The following METTL15 variants were observed in gnomAD, a reference collection of about 807,000 sequenced individuals.
METTL15 encodes 12S rRNA N(4)-cytidine methyltransferase METTL15.
A neutral mutation model predicts 38.3 loss-of-function variants in METTL15; 34 were observed. That is an observed-to-expected ratio of 0.89 (90% confidence interval 0.68 to 1.18). The LOEUF (loss-of-function observed/expected upper bound fraction) is 1.18. METTL15 is among the 50% of genes most tolerant of loss of function. The pLI, the probability that METTL15 is intolerant of heterozygous loss-of-function variation, is 0.00. For synonymous variants in METTL15, 162 were observed against 170.9 expected (o/e 0.95, Z 0.41); for missense variants, 438 against 498.4 (o/e 0.88, Z 1.15).
chr11:28,497,003 T>C (rs1288551680), intron 6 of METTL15, among the ~76,000 whole-genome samples: 1 of 152,170 alleles, frequency 6.6e-6, no homozygotes. Context: ...AGCTGGACAT[T>C]GAGGCTAGTA....
chr11:28,382,555 T>C (rs1274962986), intron 5 of METTL15, among the ~76,000 whole-genome samples: 2 of 152,068 alleles, frequency 1.3e-5, no homozygotes, highest in Admixed American at 6.6e-5. Flanking sequence ...GTTCACCTCT[T>C]GGGCTCAGTG....
chr11:28,220,717 G>A (rs957352852), intron 4 of METTL15, among the ~76,000 whole-genome samples: 1 of 152,138 alleles, frequency 6.6e-6, no homozygotes, highest in Admixed American at 6.5e-5. Context: ...TCGTTTCCAT[G>A]TTTAGTGCTT....
At chr11:28,389,267 C>T (rs966801688) in intron 5 of METTL15, among the ~76,000 whole-genome samples, 1 of 150,756 alleles carries the variant, frequency 6.6e-6, no homozygotes, top group Admixed American at 6.6e-5. Context: ...TTTTACGGTA[C>T]ATGTGCACAA....
chr11:28,456,630 C>T (rs1355216672), intron 6 of METTL15, among the ~76,000 whole-genome samples: 3 of 151,866 alleles, frequency 2.0e-5, no homozygotes, highest in Admixed American at 6.6e-5. Flanking sequence ...TTAATAGAGA[C>T]GGGGCTTCAC....
chr11:28,174,950 A>G (rs1287971129), intron 3 of METTL15, among the ~76,000 whole-genome samples: 2 of 149,724 alleles, frequency 1.3e-5, no homozygotes, highest in African/African-American at 4.9e-5. Flanking sequence ...TTATTTTATT[A>G]TTATTTTTTA....
intron 6 of METTL15, among the ~76,000 whole-genome samples, chr11:28,496,014 A>G (rs1396569259): frequency 6.6e-6 from 1 of 152,192 alleles, no homozygotes; most frequent in African/African-American, 2.4e-5. Flanking sequence ...AGTGTTACCT[A>G]GTGATGTGGC....
chr11:28,238,062 C>T (rs1590203790), intron 4 of METTL15, among the ~76,000 whole-genome samples: 1 of 152,186 alleles, frequency 6.6e-6, no homozygotes, highest in Non-Finnish European at 1.5e-5. Context: ...GGGTCAGGGA[C>T]CCACTTGAGG....
chr11:28,426,583 T>TG lies in METTL15; in HGVS notation c.*424+2220dup, dbSNP rs1554923965. Among the ~76,000 whole-genome samples the TG allele has an allele frequency of 6.0e-5, 6 of 100,788 alleles. No homozygotes were observed. In the South Asian group the frequency reaches 2.3e-3, roughly 38 times the overall value. The allele number at this position is 100,788 out of a possible 152,430, so 66.1% of individuals were successfully genotyped here. ...TTTTCTCTGTAACCTTGCCAGCATC[T>TG]GTTTTTTTTTTTTTTTTTTTTTTGA... On this transcript the variant is annotated intron_variant and NMD_transcript_variant, in intron 6 of 7. Coordinates refer to the METTL15 transcript ENST00000532947.
chr11:28,423,521 A>G (rs1850839170), intron 5 of METTL15, among the ~76,000 whole-genome samples: 1 of 152,136 alleles, frequency 6.6e-6, no homozygotes, highest in African/African-American at 2.4e-5. Context: ...TTATTCAACC[A>G]TAAAAAATAA....
intron 6 of METTL15, among the ~76,000 whole-genome samples, chr11:28,306,485 A>G (rs1857086569): frequency 6.6e-6 from 1 of 151,964 alleles, no homozygotes; most frequent in Non-Finnish European, 1.5e-5. Context: ...AGTCTTACAT[A>G]TTATTTGTAC....
intron 4 of METTL15, among the ~76,000 whole-genome samples, chr11:28,256,414 T>G (rs1854972472): frequency 6.6e-6 from 1 of 152,198 alleles, no homozygotes; most frequent in South Asian, 2.1e-4. Flanking sequence ...TTTGGATTTA[T>G]TCCTGGTTCA....
intron 3 of METTL15, among the ~76,000 whole-genome samples, chr11:28,159,139 A>G (rs1850364269): frequency 6.6e-6 from 1 of 152,076 alleles, no homozygotes; most frequent in South Asian, 2.1e-4. Context: ...ATTCCATTAA[A>G]CTGAAACTTA....
chr11:28,391,165 T>C (rs1850502332), intron 5 of METTL15, among the ~76,000 whole-genome samples: 1 of 152,088 alleles, frequency 6.6e-6, no homozygotes, highest in African/African-American at 2.4e-5. Flanking sequence ...TACAATCATG[T>C]CATCTGCAAA....
intron 3 of METTL15, among the ~76,000 whole-genome samples, chr11:28,176,047 T>C (rs186584921): frequency 8.8e-4 from 134 of 152,108 alleles, no homozygotes; most frequent in Non-Finnish European, 1.5e-3. Flanking sequence ...AGACTGAACG[T>C]AAGATCAGTT....
At chr11:28,409,381 CAAAAAAAAAAA>C (rs58050337) in intron 5 of METTL15, among the ~76,000 whole-genome samples, 5 of 81,338 alleles carry the variant, frequency 6.1e-5, no homozygotes, top group Admixed American at 2.0e-4. Context: ...GACTCCGTCT[CAAAAAAAAAAA>C]AAAAAAAAAA....
chr11:28,490,303 C>G lies in METTL15; in HGVS notation c.*425-36175C>G, dbSNP rs976223812. On this transcript the variant is annotated intron_variant and NMD_transcript_variant, in intron 6 of 7. Coordinates refer to the METTL15 transcript ENST00000532947. ...CCTCTCAGTGAACATTCATCTGCAC[C>G]CAATGATCATGATAGCTAAATGTTC... 1.2e-4 allele frequency among the ~76,000 whole-genome samples: 18 copies of G among 152,076 alleles called. 1 individual carries two copies. The highest frequency in any genetic ancestry group is 4.1e-4 in the African/African-American group (17 of 41,394).
intron 4 of METTL15, among the ~76,000 whole-genome samples, chr11:28,218,769 G>C (rs1853033077): frequency 6.6e-6 from 1 of 152,136 alleles, no homozygotes; most frequent in East Asian, 1.9e-4. Context: ...TTAGCATGCA[G>C]GGCTGTTGAA....
intron 3 of METTL15, among the ~76,000 whole-genome samples, chr11:28,205,513 A>G (rs1852295286): frequency 6.6e-6 from 1 of 152,012 alleles, no homozygotes; most frequent in African/African-American, 2.4e-5. Context: ...TCATTGATGG[A>G]CATTTGAGTT....
intron 4 of METTL15, among the ~76,000 whole-genome samples, chr11:28,224,113 C>T (rs909615864): frequency 6.6e-6 from 1 of 151,834 alleles, no homozygotes; most frequent in African/African-American, 2.4e-5. Context: ...AGTATAAACT[C>T]ACCCATAATT....
Sources: allele counts gnomAD v4.1 joint callset (sites outside exome capture counted in the v4.1 genomes callset), GRCh38; gene constraint gnomAD v4.1.1; transcripts MANE v1.5; gene names NCBI Gene and HGNC (gene_info 2026-07-23, HGNC 2026-07-21).